Variants in MYH15 observed in about 807,000 individuals in gnomAD.
MYH15 encodes myosin-15.
Under a neutral mutation model 240.5 loss-of-function variants are expected in MYH15, and 227 were observed. That is an observed-to-expected ratio of 0.94 (90% CI 0.85 to 1.05). MYH15 has a LOEUF of 1.05. MYH15 is among the 50% of genes least tolerant of loss of function. The probability of loss-of-function intolerance (pLI) is 0.00; values close to 1 mark genes in which losing one functional copy is unlikely to be tolerated. For missense variants in MYH15, 2,217 were observed against 2,247.5 expected (o/e 0.99, Z 0.27); for synonymous variants, 785 against 796.7 (o/e 0.99, Z 0.25).
chr3:108,485,122 T>G lies in MYH15; in HGVS notation c.1083A>C (p.Arg361Ser). The G allele has an allele frequency of 6.2e-7, 1 of 1,614,152 alleles. No homozygotes were observed. Among genetic ancestry groups the G allele is most frequent in the Non-Finnish European group, 8.5e-7 (1 of 1,179,970 alleles). Residue 361 changes from arginine to serine, a missense_variant, in exon 11 of 41, where the codon AGA becomes AGC. Transcript: ENST00000693548. ...TGCCATCTGCTTCCAGTTGCTCTTCTCTAGGTTTCTGTTTAAATTTCATAT... is the reference window on the plus strand; with the variant it reads ...TGCCATCTGCTTCCAGTTGCTCTTCGCTAGGTTTCTGTTTAAATTTCATAT... ...FGNMKFKQKP[R>S]EEQLEADGTE...
At chr3:108,429,318 T>C (rs1169894252) in intron 26 of MYH15, among the ~76,000 whole-genome samples, 1 of 152,186 alleles carries the variant, frequency 6.6e-6, no homozygotes, top group African/African-American at 2.4e-5. Flanking sequence ...AAAATGAACA[T>C]CTTCAAGTTC....
At chr3:108,488,911 AG>A (rs1486238570) in intron 9 of MYH15, among the ~76,000 whole-genome samples, 2 of 152,188 alleles carry the variant, frequency 1.3e-5, no homozygotes, top group Non-Finnish European at 2.9e-5. Context: ...ACAGTGAAAA[AG>A]GGTTGCCTTT....
chr3:108,398,528 A>T, intron 35 of MYH15, 109 bp downstream of exon 35: 1 of 1,048,944 alleles, frequency 9.5e-7, no homozygotes, highest in South Asian at 1.3e-5. Flanking sequence ...TCACAGGCAC[A>T]TCCAAGACTT....
At position 108,463,104 on chromosome 3, in the gene MYH15, G is replaced by A. The variant is rs1480991882; in HGVS notation, c.1864+7C>T. 1 of 1,591,196 alleles carries A rather than the reference G, an allele frequency of 6.3e-7. No homozygotes were observed. The highest frequency in any genetic ancestry group is 1.9e-5 in the Admixed American group (1 of 53,034). ...GCTGAAAAATCAAGGAAGATTGTAT[G>A]ACTCACCACTGTCAGTACTCATGTA... On this transcript the variant is annotated splice_region_variant and intron_variant, in intron 16 of 40. Coordinates refer to ENST00000693548, the MANE Select transcript of MYH15 (RefSeq NM_014981.3).
In MYH15 at chr3:108,476,525, A is replaced by C. The variant is rs2083222912; in HGVS notation, c.1115-10T>G. 6.6e-7 allele frequency: 1 copy of C among 1,526,102 alleles called. No homozygotes were observed. Among genetic ancestry groups the C allele is most frequent in the Non-Finnish European group, 9.1e-7 (1 of 1,100,364 alleles). The allele number at this position is 1,526,102 out of a possible 1,614,324, so 94.5% of individuals were successfully genotyped here. ...GCAGCTTTGTCAGCATCTGGTCATCAGAAATAGAAGAAAAGGAAGGAGAGA... is the reference window on the plus strand; with the variant it reads ...GCAGCTTTGTCAGCATCTGGTCATCCGAAATAGAAGAAAAGGAAGGAGAGA... On this transcript the variant is annotated splice_polypyrimidine_tract_variant and intron_variant, in intron 11 of 40. Coordinates refer to ENST00000693548, the MANE Select transcript of MYH15 (RefSeq NM_014981.3).
rs749291407 is a variant in MYH15, at chr3:108,492,513, T to G, written c.858A>C (p.Gln286His). ...TCCTACACTTACCATGAAGCTCTTT[T>G]TGTCCAGATAGAATTTGATAGAATA... The part of the protein sequence containing the change: ...YHIFYQILSG[Q>H]KELHDLLLVS... The change falls in exon 9 of 41, where the codon CAA becomes CAC. Residue 286 changes from glutamine (Q) to histidine (H), a missense_variant. Gln to His is a conservative substitution (Grantham distance 24). Coordinates refer to ENST00000693548, the MANE Select transcript of MYH15 (RefSeq NM_014981.3). The G allele has an allele frequency of 6.2e-7, 1 of 1,611,840 alleles. No homozygotes were observed. Among genetic ancestry groups the G allele is most frequent in the Non-Finnish European group, 8.5e-7 (1 of 1,178,156 alleles).
chr3:108,433,335 T>C (rs565772145), intron 25 of MYH15, among the ~76,000 whole-genome samples: 62 of 152,318 alleles, frequency 4.1e-4, no homozygotes, highest in African/African-American at 1.5e-3. Flanking sequence ...ATAACTAACT[T>C]GCTTTTGATT....
chr3:108,391,673 T>C (rs569357093), intron 37 of MYH15, 87 bp downstream of exon 37: 2 of 1,372,880 alleles, frequency 1.5e-6, no homozygotes, highest in Non-Finnish European at 2.0e-6. Flanking sequence ...GGTATGTGTG[T>C]TGGGGGGCAG....
intron 16 of MYH15, among the ~76,000 whole-genome samples, chr3:108,462,861 C>G (rs1198900728): frequency 6.6e-6 from 1 of 151,538 alleles, no homozygotes; most frequent in Non-Finnish European, 1.5e-5. Context: ...TTTTGTTTTC[C>G]CTTTGTAGCT....
chr3:108,496,384 T>C (rs772904554), intron 6 of MYH15, among the ~76,000 whole-genome samples: 57 of 152,220 alleles, frequency 3.7e-4, no homozygotes, highest in South Asian at 4.1e-4. Context: ...TGATCTTGAA[T>C]TTGAATCACG....
intron 2 of MYH15, among the ~76,000 whole-genome samples, chr3:108,502,290 C>T (rs2083444654): frequency 6.6e-6 from 1 of 152,170 alleles, no homozygotes; most frequent in South Asian, 2.1e-4. Context: ...CAAAACCTGT[C>T]TCCTCCCTCA....
chr3:108,432,800 T>A (rs1263507067), intron 25 of MYH15, among the ~76,000 whole-genome samples: 2 of 151,974 alleles, frequency 1.3e-5, no homozygotes, highest in African/African-American at 4.8e-5. Flanking sequence ...TGAATTGGGG[T>A]TTGGGAAATT....
the MYH15 span, among the ~76,000 whole-genome samples, chr3:108,549,040 G>T: frequency 6.6e-6 from 1 of 151,896 alleles, no homozygotes; most frequent in Non-Finnish European, 1.5e-5. Flanking sequence ...TGTTCAAGTG[G>T]CAAGTGTAAA....
intron 22 of MYH15, among the ~76,000 whole-genome samples, chr3:108,444,053 T>C (rs934525840): frequency 1.4e-5 from 2 of 146,998 alleles, no homozygotes; most frequent in Non-Finnish European, 3.0e-5. Context: ...TGCTAAATGA[T>C]GAGTTAATGG....
At chr3:108,480,344 A>G (rs2083256953) in intron 11 of MYH15, among the ~76,000 whole-genome samples, 1 of 152,228 alleles carries the variant, frequency 6.6e-6, no homozygotes, top group African/African-American at 2.4e-5. Context: ...GTCAAAGAAG[A>G]GGTTGTAACC....
Position 108,381,277 on chromosome 3 carries a change from T to G in MYH15, c.*268A>C, listed in dbSNP as rs1011832891. Reference sequence around the variant, plus strand: ...CAAGTATTTATTCATTTTTTAAACATCAGAATTGAAAAGGTTCTTCCATTT... The same window carrying G: ...CAAGTATTTATTCATTTTTTAAACAGCAGAATTGAAAAGGTTCTTCCATTT... On this transcript the variant is annotated 3_prime_UTR_variant, in exon 41 of 41. Coordinates refer to ENST00000693548, the MANE Select transcript of MYH15 (RefSeq NM_014981.3). The G allele has an allele frequency of 1.1e-5, 6 of 529,102 alleles. No homozygotes were observed. In the Admixed American group the frequency reaches 1.9e-4, roughly 17 times the overall value. 32.8% of individuals were successfully genotyped at this position (529,102 alleles called of 1,614,324 possible).
At chr3:108,393,427 G>A (rs930831706) in intron 36 of MYH15, among the ~76,000 whole-genome samples, 3 of 152,200 alleles carry the variant, frequency 2.0e-5, no homozygotes, top group Non-Finnish European at 2.9e-5. Flanking sequence ...CTGCCCACAG[G>A]GGGTGCCCAG....
intron 1 of MYH15, among the ~76,000 whole-genome samples, chr3:108,516,831 T>C (rs2083576448): frequency 6.6e-6 from 1 of 151,868 alleles, no homozygotes; most frequent in Non-Finnish European, 1.5e-5. Flanking sequence ...ATTGCACAAA[T>C]TATTGATTAT....
chr3:108,455,761 G>A lies in MYH15; in HGVS notation c.2237C>T (p.Thr746Ile), dbSNP rs1560384428. The A allele has an allele frequency of 1.9e-6, 3 of 1,613,792 alleles. No homozygotes were observed. The highest frequency in any genetic ancestry group is 1.1e-5 in the South Asian group (1 of 91,072). ...CTTAGTGATTCCAAATCGGTACTGG[G>A]TATGGTCTATCTCCAAGGAGCCAAG... The part of the protein sequence containing the change: ...ELLGSLEIDH[T>I]QYRFGITKVF... The change falls in exon 20 of 41, where the codon ACC becomes ATC. Residue 746 changes from threonine (T) to isoleucine (I), a missense_variant. Physicochemically the swap from Thr to Ile is moderately conservative, Grantham distance 89. Transcript: ENST00000693548.
Sources: allele counts gnomAD v4.1 joint callset (sites outside exome capture counted in the v4.1 genomes callset), GRCh38; gene constraint gnomAD v4.1.1; transcripts MANE v1.5; gene names NCBI Gene and HGNC (gene_info 2026-07-23, HGNC 2026-07-21).